ASPG: variants seen among roughly 807,000 people sequenced by gnomAD.
ASPG encodes the protein asparaginase.
ASPG carries 53 observed loss-of-function variants against 63.2 expected under a neutral mutation model. The ratio of observed to expected loss-of-function variants is 0.84; its 90% confidence interval spans 0.67 to 1.05. The LOEUF is 1.05. Among genes scored for constraint, ASPG ranks in the 50% least tolerant of loss-of-function variants. The probability of loss-of-function intolerance (pLI) is 0.00; values close to 1 mark genes in which losing one functional copy is unlikely to be tolerated. For missense variants in ASPG, 741 were observed against 794.4 expected (o/e 0.93, Z 0.81); for synonymous variants, 370 against 355.0 (o/e 1.04, Z -0.48).
In ASPG at chr14:104,099,081, C is replaced by T. The variant is rs141317326; in HGVS notation, c.640+102C>T. 1.8e-5 allele frequency: 26 copies of T among 1,477,402 alleles called. No individual in the cohort carries two copies. The African/African-American group carries it at 3.2e-4, about 18-fold the overall frequency. The allele number at this position is 1,477,402 out of a possible 1,614,324, so 91.5% of individuals were successfully genotyped here. Reference sequence around the variant, plus strand: ...GCTGGGACTCGGCAGAGTTTGAGAGCACCATGCTTGGTTCTGACTTGCCCT... The same window carrying T: ...GCTGGGACTCGGCAGAGTTTGAGAGTACCATGCTTGGTTCTGACTTGCCCT... On this transcript the variant is annotated intron_variant, in intron 6 of 15. Transcript: ENST00000551177.
In ASPG at chr14:104,108,986, A is replaced by G. The variant is rs1350167027; in HGVS notation, c.1434-243A>G. ...CCACAGAGTTGACCCCACCCCTTGC[A>G]GACCTCAGCTGCCCTAAGAAGGAGT... On this transcript the variant is annotated intron_variant, in intron 12 of 15. Coordinates refer to ENST00000551177, the MANE Select transcript of ASPG (RefSeq NM_001080464.3). The G allele has an allele frequency of 4.1e-6, 4 of 985,284 alleles. No homozygotes were observed. The African/African-American group carries it at 7.0e-5, about 17-fold the overall frequency. The allele number at this position is 985,284 out of a possible 1,614,324, so 61.0% of individuals were successfully genotyped here.
At chr14:104,095,438 C>T in intron 3 of ASPG, 93 bp from the exon 4 acceptor site, 1 of 1,564,296 alleles carries the variant, frequency 6.4e-7, no homozygotes. Context: ...CTGAGTCCTC[C>T]TCTCTGCATC....
rs2037431283 is a variant in ASPG at position 104,113,800 on chromosome 14, A to G, written c.*1256A>G. On this transcript the variant is annotated 3_prime_UTR_variant, in exon 16 of 16. Coordinates refer to ENST00000551177, the MANE Select transcript of ASPG (RefSeq NM_001080464.3). The stretch of plus-strand genomic sequence containing the variant: ...GGGCCTTGCACAACAAGGTGACGCC[A>G]TGCGAGCGTGGCAGGGCCGGGGAAG... 1 of 152,322 alleles carries G rather than the reference A, an allele frequency of 6.6e-6. No individual in the cohort carries two copies. The highest frequency in any genetic ancestry group is 6.5e-5 in the Admixed American group (1 of 15,294). The allele number at this position is 152,322 out of a possible 1,614,324, so 9.4% of individuals were successfully genotyped here.
In ASPG at chr14:104,108,784, A is replaced by C. The variant is rs1446542800; in HGVS notation, c.1434-445A>C. 5.1e-6 allele frequency: 5 copies of C among 985,334 alleles called. No individual in the cohort carries two copies. The East Asian group carries it at 4.5e-4, about 90-fold the overall frequency. 61.0% of individuals were successfully genotyped at this position (985,334 alleles called of 1,614,324 possible). A position where few individuals can be genotyped will look rare whatever the true frequency, so the allele number is the denominator to read the frequency against. ...ATTCAGTGTCCCCTGCGCCTGGCTG[A>C]GGAGGTCACCACGGGGTGTGATCAG... On this transcript the variant is annotated intron_variant, in intron 12 of 15. Coordinates refer to ENST00000551177, the MANE Select transcript of ASPG (RefSeq NM_001080464.3).
In ASPG at chr14:104,109,946, C is replaced by T. The variant is rs1233892661; in HGVS notation, c.1520+631C>T. The T allele has an allele frequency of 1.0e-6, 1 of 984,778 alleles. No homozygotes were observed. Among genetic ancestry groups the T allele is most frequent in the Non-Finnish European group, 1.2e-6 (1 of 829,562 alleles). The allele number at this position is 984,778 out of a possible 1,614,324, so 61.0% of individuals were successfully genotyped here. A position where few individuals can be genotyped will look rare whatever the true frequency, so the allele number is the denominator to read the frequency against. ...TTGGGGAGACTGAGGCGCAGGGAGGCCTTCGGCGAGGGTGTCGGTTGTGGG... is the reference window on the plus strand; with the variant it reads ...TTGGGGAGACTGAGGCGCAGGGAGGTCTTCGGCGAGGGTGTCGGTTGTGGG... On this transcript the variant is annotated intron_variant, in intron 13 of 15. Coordinates refer to ENST00000551177, the MANE Select transcript of ASPG (RefSeq NM_001080464.3). The surrounding 1 kb of genome is among the most constrained non-coding windows in gnomAD (Gnocchi z 4.8).
chr14:104,104,711 G>A lies in ASPG; in HGVS notation c.1026G>A (p.Gly342=), dbSNP rs1357809057. The change falls in exon 9 of 16, where the codon GGG becomes GGA. Residue 342 remains glycine, a synonymous_variant. Coordinates refer to ENST00000551177, the MANE Select transcript of ASPG (RefSeq NM_001080464.3). ...AKLSYVLGQP[G]LSLDVRKELL... The stretch of plus-strand genomic sequence containing the variant: ...TATCGTATGTGCTGGGCCAGCCAGG[G>A]CTGAGCCTGGATGTCAGGAAGGAGG... 4 of 1,602,914 alleles carry A rather than the reference G, an allele frequency of 2.5e-6. No individual in the cohort carries two copies. Among genetic ancestry groups the A allele is most frequent in the Non-Finnish European group, 2.6e-6 (3 of 1,173,028 alleles).
At chr14:104,111,054 C>T (rs553669106) in intron 13 of ASPG, 2 of 985,446 alleles carry the variant, frequency 2.0e-6, no homozygotes, top group Admixed American at 6.1e-5. Flanking sequence ...CTTTGCGGAC[C>T]CCGCCCCGGG....
intron 10 of ASPG, 39 bp from the exon 11 acceptor site, chr14:104,106,760 G>C: frequency 6.5e-7 from 1 of 1,529,344 alleles, no homozygotes; most frequent in Non-Finnish European, 8.9e-7. Flanking sequence ...AGATGCCAAA[G>C]GGAGGCGTGG....
intron 6 of ASPG, 110 bp from the exon 7 acceptor site, chr14:104,103,453 G>T: frequency 1.1e-6 from 1 of 936,824 alleles, no homozygotes; most frequent in South Asian, 1.7e-5. Context: ...GAAGGCTCAG[G>T]GCTCTGAAAA....
At chr14:104,089,378 A>C (rs1235502859) in intron 1 of ASPG, among the ~76,000 whole-genome samples, 1 of 151,544 alleles carries the variant, frequency 6.6e-6, no homozygotes, top group African/African-American at 2.4e-5. Flanking sequence ...AATTAGCCAG[A>C]TGTGGTGGCA....
intron 6 of ASPG, among the ~76,000 whole-genome samples, chr14:104,101,811 G>A (rs1275069446): frequency 6.6e-6 from 1 of 152,152 alleles, no homozygotes; most frequent in African/African-American, 2.4e-5. Flanking sequence ...CAGCTTTGAG[G>A]CCGCAGACTA....
chr14:104,099,943 G>A (rs2036797474), intron 6 of ASPG, among the ~76,000 whole-genome samples: 1 of 152,222 alleles, frequency 6.6e-6, no homozygotes, highest in African/African-American at 2.4e-5. Flanking sequence ...GTTCCTGTCT[G>A]GGCGGGTGGG....
At chr14:104,095,002 G>A (rs763297933) in intron 3 of ASPG, among the ~76,000 whole-genome samples, 3 of 152,284 alleles carry the variant, frequency 2.0e-5, no homozygotes, top group South Asian at 4.1e-4. Flanking sequence ...GGTGGTGGCC[G>A]GAGGACGTCC....
At chr14:104,085,951 C>T (rs937399292) in intron 1 of ASPG, 99 bp downstream of exon 1, 3 of 1,161,438 alleles carry the variant, frequency 2.6e-6, no homozygotes, top group African/African-American at 1.6e-5. Context: ...GGAGTCAAAT[C>T]CGCGCCTGGA....
At chr14:104,087,872 G>A (rs911816522) in intron 1 of ASPG, among the ~76,000 whole-genome samples, 1 of 152,232 alleles carries the variant, frequency 6.6e-6, no homozygotes, top group African/African-American at 2.4e-5. Flanking sequence ...GTGAGGTCCT[G>A]TGTCTGGGTG....
At chr14:104,101,195 G>A (rs768564421) in intron 6 of ASPG, among the ~76,000 whole-genome samples, 3 of 152,202 alleles carry the variant, frequency 2.0e-5, no homozygotes, top group Non-Finnish European at 2.9e-5. Flanking sequence ...CTGCCGGGCC[G>A]GTTCTGGCAC....
At chr14:104,107,453 G>A in intron 12 of ASPG, 108 bp downstream of exon 12, 1 of 1,139,872 alleles carries the variant, frequency 8.8e-7, no homozygotes, top group Non-Finnish European at 1.1e-6. Context: ...AGAGGTGGAG[G>A]ACACCTGCTT....
At chr14:104,101,600 G>A (rs899400366) in intron 6 of ASPG, among the ~76,000 whole-genome samples, 6 of 152,164 alleles carry the variant, frequency 3.9e-5, no homozygotes, top group Non-Finnish European at 8.8e-5. Context: ...CCCTGACCCC[G>A]GCCCACTCTG....
chr14:104,103,441 G>A (rs951773696), intron 6 of ASPG, 122 bp from the exon 7 acceptor site: 52 of 832,816 alleles, frequency 6.2e-5, no homozygotes, highest in Middle Eastern at 3.7e-4. Context: ...GGGCTGAGCC[G>A]CGAAGGCTCA....
Sources: gnomAD v4.1 joint callset for allele counts (sites outside exome capture counted in the v4.1 genomes callset) on GRCh38, gnomAD v4.1.1 for gene constraint, Gnocchi (gnomAD v3.1) non-coding constraint, MANE v1.5 for transcripts, NCBI Gene and HGNC (gene_info 2026-07-23, HGNC 2026-07-21) for gene names.